The following ZNF444 variants were observed in gnomAD, a reference collection of about 807,000 sequenced individuals.
ZNF444 encodes endothelial zinc finger protein 2.
A neutral mutation model predicts 14.4 loss-of-function variants in ZNF444; 8 were observed. The observed-to-expected ratio is 0.56, with a 90% CI of 0.33 to 1.00. ZNF444 has a LOEUF of 1.00. Among genes scored for constraint, ZNF444 ranks in the 50% least tolerant of loss-of-function variants. The pLI is 0.03. For missense variants in ZNF444, 510 were observed against 504.8 expected, an observed-to-expected ratio of 1.01 and a Z score of -0.10; for synonymous variants, 258 against 235.9, an observed-to-expected ratio of 1.09 and a Z score of -0.86.
At chr19:56,139,687 AAAAAC>A (rs1234402250), upstream of ZNF444, among the ~76,000 whole-genome samples, 22 of 144,520 alleles carry the variant, frequency 1.5e-4, no homozygotes, top group Non-Finnish European at 2.8e-4. Context: ...CCCTGTATCA[AAAAAC>A]AAAACAAAAC....
chr19:56,142,122 G>A (rs1410492431), intron 1 of ZNF444, among the ~76,000 whole-genome samples: 1 of 152,144 alleles, frequency 6.6e-6, no homozygotes, highest in Non-Finnish European at 1.5e-5. Context: ...CTATTCCAAT[G>A]TATACTTAGT....
At chr19:56,148,832 C>T (rs1401744847) in intron 3 of ZNF444, among the ~76,000 whole-genome samples, 2 of 151,466 alleles carry the variant, frequency 1.3e-5, no homozygotes, top group African/African-American at 4.8e-5. Context: ...GGCCCAAAAT[C>T]GAGGTGTCTG....
rs2031247745 is a variant in ZNF444 at position 56,147,184 on chromosome 19, G to A, written c.273G>A (p.Ala91=). The A allele has an allele frequency of 6.8e-7, 1 of 1,463,792 alleles. No homozygotes were observed. The highest frequency in any genetic ancestry group is 9.0e-7 in the Non-Finnish European group (1 of 1,112,976). The allele number at this position is 1,463,792 out of a possible 1,614,324, so 90.7% of individuals were successfully genotyped here. Residue 91 remains alanine, a synonymous_variant, in exon 3 of 5, where the codon GCG becomes GCA. Transcript: ENST00000337080. This position sits in a 1 kb window ranked among gnomAD's most constrained non-coding sequence, Gnocchi z 5.9. The part of the protein sequence containing the change: ...CSRQPQSGEE[A]VALLEELWGP... ...GGCAGCCGCAGAGCGGGGAGGAGGC[G>A]GTGGCCCTGCTGGAGGAGCTCTGGG...
chr19:56,159,587 G>C, intron 4 of ZNF444, 37 bp from the exon 5 acceptor site: 2 of 1,414,212 alleles, frequency 1.4e-6, no homozygotes, highest in Middle Eastern at 4.2e-4. Context: ...CCCCGCCCTC[G>C]TGCCGACCCA....
chr19:56,149,930 T>C (rs2031472237), intron 3 of ZNF444: 1 of 157,368 alleles, frequency 6.4e-6, no homozygotes, highest in Non-Finnish European at 1.4e-5. Context: ...ATGTCAGTGC[T>C]TAACTCCCTC....
upstream of ZNF444, among the ~76,000 whole-genome samples, chr19:56,137,327 T>C (rs2030635007): frequency 6.6e-6 from 1 of 151,428 alleles, no homozygotes; most frequent in Non-Finnish European, 1.5e-5. Flanking sequence ...AAAAATTAAC[T>C]GGTGTGGTGG....
Position 56,158,491 on chromosome 19 carries a change from C to T in ZNF444, c.298-3C>T. 1.2e-6 allele frequency: 2 copies of T among 1,603,336 alleles called. No homozygotes were observed. The highest frequency in any genetic ancestry group is 1.7e-6 in the Non-Finnish European group (2 of 1,175,586). On this transcript the variant is annotated splice_region_variant and splice_polypyrimidine_tract_variant and intron_variant, in intron 3 of 4. Coordinates refer to ENST00000337080, the MANE Select transcript of ZNF444 (RefSeq NM_018337.4). ...TGAGTTCAAAACTGTGCTCTCATTT[C>T]AGGGGCCAGCAGCCTCCCCCGATGG...
At chr19:56,137,982 G>A (rs894271041), upstream of ZNF444, among the ~76,000 whole-genome samples, 2 of 152,064 alleles carry the variant, frequency 1.3e-5, no homozygotes, top group Admixed American at 6.6e-5. Context: ...AAATTAGCTG[G>A]GTGTGGTGGC....
upstream of ZNF444, among the ~76,000 whole-genome samples, chr19:56,140,000 G>A (rs753207095): frequency 5.3e-5 from 8 of 152,212 alleles, no homozygotes; most frequent in South Asian, 8.3e-4. Flanking sequence ...CATTAAACAC[G>A]AGGAGAAGAC....
At position 56,150,711 on chromosome 19, in the gene ZNF444, A is replaced by G. The variant is rs146691082; in HGVS notation, c.297+3503A>G. The stretch of plus-strand genomic sequence containing the variant: ...GCCTGGGCGATAGCCATTGTAGCTG[A>G]CGGTGGTGTATAGACAGCTGACATC... On this transcript the variant is annotated intron_variant, in intron 3 of 4. Transcript: ENST00000337080. Among the ~76,000 whole-genome samples, 804 of 152,330 alleles carry G rather than the reference A, an allele frequency of 5.3e-3. 11 individuals carry two copies. Among genetic ancestry groups the G allele is most frequent in the Admixed American group, 0.023 (358 of 15,280 alleles).
chr19:56,148,697 T>C, intron 3 of ZNF444, among the ~76,000 whole-genome samples: 1 of 152,152 alleles, frequency 6.6e-6, no homozygotes, highest in East Asian at 1.9e-4. Flanking sequence ...GGGTCATTGT[T>C]CCCAAAAGTG....
In ZNF444 at chr19:56,135,047, C is replaced by T. The variant is rs559552252; in HGVS notation, c.-197+2269C>T. Among the ~76,000 whole-genome samples the T allele has an allele frequency of 2.1e-3, 324 of 152,020 alleles. 2 individuals are homozygous for T. Among genetic ancestry groups the T allele is most frequent in the African/African-American group, 7.4e-3 (309 of 41,478 alleles). On this transcript the variant is annotated intron_variant, in intron 1 of 2. Coordinates refer to the ZNF444 transcript ENST00000587467. ...GAGATCGAGACCATCCTGGCTAACA[C>T]GGTGAAACCCCGTCTCTACTAAAAA...
chr19:56,155,734 A>T (rs1019554701), intron 3 of ZNF444: 10 of 152,254 alleles, frequency 6.6e-5, no homozygotes, highest in African/African-American at 2.4e-4. Flanking sequence ...GAAAAAACGT[A>T]CTCAAAGTAT....
In ZNF444 at chr19:56,147,868, A is replaced by G. The variant is rs1469466099; in HGVS notation, c.297+660A>G. 6.6e-6 allele frequency among the ~76,000 whole-genome samples: 1 copy of G among 152,186 alleles called. No homozygotes were observed. The highest frequency in any genetic ancestry group is 1.5e-5 in the Non-Finnish European group (1 of 68,028). The stretch of plus-strand genomic sequence containing the variant: ...GGCAGGTTTGGTTTCTTGACCACAC[A>G]GCAGGCAAGGGCCGACTCACGTTCT... On this transcript the variant is annotated intron_variant, in intron 3 of 4. Transcript: ENST00000337080. The surrounding 1 kb of genome is among the most constrained non-coding windows in gnomAD (Gnocchi z 5.9).
At chr19:56,134,752 G>A (rs140123769) in intron 1 of ZNF444, among the ~76,000 whole-genome samples, 10 of 151,886 alleles carry the variant, frequency 6.6e-5, no homozygotes, top group South Asian at 2.1e-4. Flanking sequence ...TGCACAGATC[G>A]TCAAGGTGAT....
upstream of ZNF444, among the ~76,000 whole-genome samples, chr19:56,140,739 G>A (rs779190946): frequency 2.0e-4 from 30 of 151,944 alleles, no homozygotes; most frequent in Non-Finnish European, 3.5e-4. Context: ...CCTGATTGGC[G>A]CAGAACTCTA....
rs531985869 is a variant in ZNF444 at position 56,144,590 on chromosome 19, C to G, written c.-196-1657C>G. Among the ~76,000 whole-genome samples, 7 of 152,208 alleles carry G rather than the reference C, an allele frequency of 4.6e-5. No individual in the cohort carries two copies. The highest frequency in any genetic ancestry group is 7.2e-5 in the African/African-American group (3 of 41,538). ...GGCAGCCGTCCCAGCAATGAGATGACGTTTGTGGTTAGTGACATGGCGGTC... is the reference window on the plus strand; with the variant it reads ...GGCAGCCGTCCCAGCAATGAGATGAGGTTTGTGGTTAGTGACATGGCGGTC... On this transcript the variant is annotated intron_variant, in intron 1 of 4. Coordinates refer to ENST00000337080, the MANE Select transcript of ZNF444 (RefSeq NM_018337.4). The surrounding 1 kb of genome is among the most constrained non-coding windows in gnomAD (Gnocchi z 4.0).
intron 4 of ZNF444, 141 bp from the exon 5 acceptor site, chr19:56,159,483 A>AT (rs2032131333): frequency 1.5e-6 from 1 of 668,666 alleles, no homozygotes; most frequent in African/African-American, 1.9e-5. Flanking sequence ...ACAGGTATGA[A>AT]TAAGAAGCCC....
At chr19:56,154,002 C>T (rs936407872) in intron 3 of ZNF444, among the ~76,000 whole-genome samples, 1 of 152,286 alleles carries the variant, frequency 6.6e-6, no homozygotes, top group African/African-American at 2.4e-5. Flanking sequence ...AGGAGGAAAA[C>T]AAGAAACAGC....
Sources: allele counts gnomAD v4.1 joint callset (sites outside exome capture counted in the v4.1 genomes callset), GRCh38; gene constraint gnomAD v4.1.1; non-coding constraint Gnocchi (gnomAD v3.1); transcripts MANE v1.5; gene names NCBI Gene and HGNC (gene_info 2026-07-23, HGNC 2026-07-21).